The following GSK3B variants were observed in gnomAD, a reference collection of about 807,000 sequenced individuals.
The protein encoded by GSK3B is glycogen synthase kinase-3 beta.
GSK3B carries 15 observed loss-of-function variants against 56.4 expected under a neutral mutation model. That is an observed-to-expected ratio of 0.27 (90% CI 0.18 to 0.41). The LOEUF (loss-of-function observed/expected upper bound fraction) is 0.41, where lower values mean the gene tolerates loss of function less well. Ranked by LOEUF, GSK3B falls within the 10% of genes least tolerant of loss-of-function variation. The probability of loss-of-function intolerance (pLI) is 1.00; values close to 1 mark genes in which losing one functional copy is unlikely to be tolerated. For synonymous variants in GSK3B, 181 were observed against 188.9 expected, an observed-to-expected ratio of 0.96 and a Z score of 0.34; for missense variants, 300 against 513.4, an observed-to-expected ratio of 0.58 and a Z score of 4.02.
At chr3:120,092,543 A>G (rs2058522164) in intron 1 of GSK3B, among the ~76,000 whole-genome samples, 1 of 152,258 alleles carries the variant, frequency 6.6e-6, no homozygotes, top group African/African-American at 2.4e-5. Context: ...ATTTGGCACT[A>G]TGACAAAACA....
chr3:119,995,030 T>C (rs183294388), intron 2 of GSK3B, among the ~76,000 whole-genome samples: 2 of 151,744 alleles, frequency 1.3e-5, no homozygotes, highest in Non-Finnish European at 2.9e-5. Context: ...CACTCAAACA[T>C]TTCAGGAAAT....
At chr3:119,904,668 T>A (rs2056664260) in intron 7 of GSK3B, among the ~76,000 whole-genome samples, 1 of 152,132 alleles carries the variant, frequency 6.6e-6, no homozygotes, top group African/African-American at 2.4e-5. Flanking sequence ...CTCAGTACAA[T>A]AAAAACTAAA....
At chr3:119,986,392 C>A (rs2057515823) in intron 2 of GSK3B, among the ~76,000 whole-genome samples, 1 of 151,962 alleles carries the variant, frequency 6.6e-6, no homozygotes, top group Non-Finnish European at 1.5e-5. Flanking sequence ...TCAGAATGAA[C>A]AGGCAACCTA....
At chr3:119,956,459 T>C (rs1473158253) in intron 2 of GSK3B, among the ~76,000 whole-genome samples, 1 of 152,232 alleles carries the variant, frequency 6.6e-6, no homozygotes, top group Non-Finnish European at 1.5e-5. Flanking sequence ...GTATTATCTT[T>C]ACCCATTAAG....
At chr3:120,036,621 C>T (rs75352604) in intron 1 of GSK3B, among the ~76,000 whole-genome samples, 16,918 of 151,836 alleles carry the variant, frequency 0.11, 1,103 homozygotes, top group African/African-American at 0.19. Context: ...GGCAAAACCC[C>T]GTATCTACTA....
chr3:120,010,523 A>G (rs894952460), intron 1 of GSK3B, among the ~76,000 whole-genome samples: 12 of 152,226 alleles, frequency 7.9e-5, no homozygotes, highest in Admixed American at 4.6e-4. Flanking sequence ...ACTCTTCCCT[A>G]TGTTATCCAA....
At chr3:119,894,431 TTTTTA>T (rs2056540133) in intron 7 of GSK3B, among the ~76,000 whole-genome samples, 2 of 152,148 alleles carry the variant, frequency 1.3e-5, no homozygotes, top group African/African-American at 4.8e-5. Flanking sequence ...AGTTACTGTC[TTTTTA>T]TTTTAGTCAT....
Position 119,987,416 on chromosome 3 carries a change from G to A in GSK3B, c.282+14630C>T, listed in dbSNP as rs548564268. 9.9e-5 allele frequency among the ~76,000 whole-genome samples: 15 copies of A among 152,202 alleles called. No homozygotes were observed. The South Asian group carries it at 2.5e-3, about 25-fold the overall frequency. On this transcript the variant is annotated intron_variant, in intron 2 of 10. Coordinates refer to ENST00000264235, the MANE Select transcript of GSK3B (RefSeq NM_001146156.2). ...GTAAGGAAAGTAAAATATACTTTTC[G>A]TAAAAGGATTATAAGGAGGCATAAG...
intron 2 of GSK3B, among the ~76,000 whole-genome samples, chr3:119,993,522 T>TA (rs1188243672): frequency 1.3e-5 from 2 of 152,098 alleles, no homozygotes; most frequent in African/African-American, 4.8e-5. Context: ...AAGCTAAAGA[T>TA]AAAAAACATA....
At chr3:120,028,279 CTACTT>C (rs2057944789) in intron 1 of GSK3B, among the ~76,000 whole-genome samples, 1 of 152,134 alleles carries the variant, frequency 6.6e-6, no homozygotes, top group African/African-American at 2.4e-5. Context: ...GGTATTATTA[CTACTT>C]AATAGATAAA....
chr3:119,907,504 G>A (rs886828479), intron 6 of GSK3B, among the ~76,000 whole-genome samples: 3 of 152,032 alleles, frequency 2.0e-5, no homozygotes, highest in Non-Finnish European at 4.4e-5. Context: ...ATCACTTTCT[G>A]GAGGACACTA....
chr3:119,916,764 TTAG>T (rs1326726980), intron 4 of GSK3B, among the ~76,000 whole-genome samples: 1 of 152,196 alleles, frequency 6.6e-6, no homozygotes, highest in Non-Finnish European at 1.5e-5. Context: ...AATAACCCTG[TTAG>T]TAGCATCACC....
intron 1 of GSK3B, among the ~76,000 whole-genome samples, chr3:120,058,413 C>CAGCCAATAGATTTGTT (rs997476540): frequency 2.6e-5 from 4 of 152,156 alleles, no homozygotes; most frequent in African/African-American, 9.7e-5. Context: ...GACTAGCCAA[C>CAGCCAATAGATTTGTT]TTTCAGGGGC....
intron 1 of GSK3B, among the ~76,000 whole-genome samples, chr3:120,014,725 AC>A (rs758970517): frequency 5.9e-5 from 9 of 152,250 alleles, no homozygotes; most frequent in African/African-American, 1.4e-4. Flanking sequence ...AACAAAAAAA[AC>A]AATTACTAAA....
chr3:119,827,007 C>G, intron 10 of GSK3B, 152 bp from the exon 11 acceptor site: 2 of 605,740 alleles, frequency 3.3e-6, no homozygotes, highest in Non-Finnish European at 2.9e-6. Flanking sequence ...ACTATGAAAT[C>G]TGAATTTCTC....
intron 9 of GSK3B, among the ~76,000 whole-genome samples, chr3:119,862,667 G>GTTT (rs79778347): frequency 1.8e-4 from 20 of 110,390 alleles, no homozygotes; most frequent in Non-Finnish European, 1.5e-4. Context: ...ACTATTTCTT[G>GTTT]TTTTTTTTTT....
chr3:119,829,802 T>G (rs1463621701), intron 10 of GSK3B, among the ~76,000 whole-genome samples: 1 of 152,230 alleles, frequency 6.6e-6, no homozygotes, highest in Non-Finnish European at 1.5e-5. Flanking sequence ...TAAAATTTGA[T>G]AGACACCCAT....
At chr3:120,086,539 T>TA (rs1294570225) in intron 1 of GSK3B, among the ~76,000 whole-genome samples, 1 of 152,202 alleles carries the variant, frequency 6.6e-6, no homozygotes, top group African/African-American at 2.4e-5. Flanking sequence ...GGCTCATGAC[T>TA]GTAATCCCAG....
At chr3:119,935,202 A>C (rs1435738951) in intron 3 of GSK3B, among the ~76,000 whole-genome samples, 2 of 152,176 alleles carry the variant, frequency 1.3e-5, no homozygotes, top group Non-Finnish European at 2.9e-5. Context: ...GATAATCAAT[A>C]AACCACTTTA....
Sources: gnomAD v4.1 joint callset for allele counts (sites outside exome capture counted in the v4.1 genomes callset) on GRCh38, gnomAD v4.1.1 for gene constraint, MANE v1.5 for transcripts, NCBI Gene and HGNC (gene_info 2026-07-23, HGNC 2026-07-21) for gene names.